The following DYNC1I1 variants were observed in gnomAD, a reference collection of about 807,000 sequenced individuals.
DYNC1I1 encodes cytoplasmic dynein 1 intermediate chain 1.
In DYNC1I1, 43 loss-of-function variants were observed where a neutral mutation model predicts 86.6. The observed-to-expected ratio is 0.50, with a 90% CI of 0.39 to 0.64. DYNC1I1 has a LOEUF of 0.64. Ranked by LOEUF, DYNC1I1 falls within the 30% of genes least tolerant of loss-of-function variation. DYNC1I1 has a pLI of 0.00. For synonymous variants in DYNC1I1, 262 were observed against 283.7 expected (o/e 0.92, Z 0.77); for missense variants, 604 against 788.8 (o/e 0.77, Z 2.81).
In DYNC1I1 at chr7:96,011,292, C is replaced by T. The variant is rs187948514; in HGVS notation, c.969+15219C>T. Among the ~76,000 whole-genome samples, 17 of 152,194 alleles carry T rather than the reference C, an allele frequency of 1.1e-4. No individual in the cohort carries two copies. In the East Asian group the frequency reaches 2.7e-3, roughly 24 times the overall value. On this transcript the variant is annotated intron_variant, in intron 10 of 16. Transcript: ENST00000447467. ...ACTATACTTAATATGTACCAATCTG[C>T]CCAGTTTCTTTTCATTTTAGGGCTC...
intron 6 of DYNC1I1, among the ~76,000 whole-genome samples, chr7:95,974,184 A>G (rs898047622): frequency 6.6e-6 from 1 of 151,952 alleles, no homozygotes; most frequent in Non-Finnish European, 1.5e-5. Flanking sequence ...ATTTTCCCCC[A>G]TAGCATTTGT....
At chr7:95,826,632 A>T (rs1795209090) in intron 4 of DYNC1I1, among the ~76,000 whole-genome samples, 1 of 152,172 alleles carries the variant, frequency 6.6e-6, no homozygotes, top group Admixed American at 6.5e-5. Context: ...AAAAATAAAT[A>T]AGCTGATATA....
chr7:96,033,373 G>A (rs768067795), intron 12 of DYNC1I1, among the ~76,000 whole-genome samples: 3 of 152,134 alleles, frequency 2.0e-5, no homozygotes, highest in Non-Finnish European at 2.9e-5. Flanking sequence ...CCAAACAAAG[G>A]AATAGAAGTG....
chr7:95,999,635 A>G (rs1361743231), intron 10 of DYNC1I1, among the ~76,000 whole-genome samples: 3 of 152,062 alleles, frequency 2.0e-5, no homozygotes, highest in Non-Finnish European at 4.4e-5. Flanking sequence ...GCTAACCTCA[A>G]AGAGAGTTCC....
chr7:95,887,699 A>AAGAGTT (rs1423451732), intron 6 of DYNC1I1, among the ~76,000 whole-genome samples: 8 of 152,300 alleles, frequency 5.3e-5, no homozygotes, highest in African/African-American at 1.9e-4. Context: ...CTTTGGAGAA[A>AAGAGTT]AGAGTTAATA....
intron 2 of DYNC1I1, among the ~76,000 whole-genome samples, chr7:95,808,310 T>A (rs1206429249): frequency 4.6e-5 from 7 of 152,170 alleles, no homozygotes; most frequent in African/African-American, 1.7e-4. Context: ...AATACTAAAC[T>A]AAGTGCCCTT....
intron 6 of DYNC1I1, among the ~76,000 whole-genome samples, chr7:95,880,068 TC>T (rs1425098431): frequency 6.6e-6 from 1 of 152,202 alleles, no homozygotes; most frequent in African/African-American, 2.4e-5. Context: ...GTCAGCCTAT[TC>T]CTTATTACTA....
intron 6 of DYNC1I1, among the ~76,000 whole-genome samples, chr7:95,955,204 A>T (rs1792677752): frequency 6.6e-6 from 1 of 152,208 alleles, no homozygotes; most frequent in South Asian, 2.1e-4. Flanking sequence ...GTCATTCCAC[A>T]ATATGTACTT....
chr7:96,026,546 A>G (rs1794688045), intron 10 of DYNC1I1, among the ~76,000 whole-genome samples: 1 of 152,098 alleles, frequency 6.6e-6, no homozygotes, highest in Non-Finnish European at 1.5e-5. Flanking sequence ...AATTCCAAAT[A>G]ATGTCATTCA....
At chr7:96,103,442 T>C (rs1281090548) in intron 16 of DYNC1I1, among the ~76,000 whole-genome samples, 1 of 152,192 alleles carries the variant, frequency 6.6e-6, no homozygotes, top group Non-Finnish European at 1.5e-5. Flanking sequence ...GGCAGCAGCC[T>C]CCTAACTGGT....
At chr7:96,105,073 A>AT (rs200354966) in intron 16 of DYNC1I1, among the ~76,000 whole-genome samples, 1,606 of 151,964 alleles carry the variant, frequency 0.011, 10 homozygotes, top group Non-Finnish European at 0.017. Context: ...ATAACAACTA[A>AT]TTTTTTATGC....
intron 1 of DYNC1I1, among the ~76,000 whole-genome samples, chr7:95,796,320 T>C (rs1562896274): frequency 6.6e-6 from 1 of 152,084 alleles, no homozygotes; most frequent in African/African-American, 2.4e-5. Context: ...CTTTCCTTCT[T>C]TCTTTCTTGA....
chr7:95,865,151 T>A lies in DYNC1I1; in HGVS notation c.375-4732T>A, dbSNP rs552007774. On this transcript the variant is annotated intron_variant, in intron 5 of 16. Transcript: ENST00000447467. ...CACTTTGGGAATCTCTGCTCTAGGA[T>A]TTCTCGAATTTTGGTTTACTCTTGG... Among the ~76,000 whole-genome samples the A allele has an allele frequency of 2.6e-5, 4 of 152,278 alleles. No homozygotes were observed. In the East Asian group the frequency reaches 7.7e-4, roughly 29 times the overall value.
chr7:95,846,228 A>G (rs972649596), intron 5 of DYNC1I1, among the ~76,000 whole-genome samples: 16 of 152,156 alleles, frequency 1.1e-4, no homozygotes, highest in Admixed American at 5.2e-4. Flanking sequence ...TGAACTTTTA[A>G]TGTCCTTTGT....
chr7:95,877,990 G>T (rs10953165), intron 6 of DYNC1I1, among the ~76,000 whole-genome samples: 29,957 of 152,138 alleles, frequency 0.2, 3,147 homozygotes, highest in Admixed American at 0.27. Flanking sequence ...ACCAGTATGA[G>T]AGGATTCACA....
At chr7:95,895,319 C>T (rs368434713) in intron 6 of DYNC1I1, among the ~76,000 whole-genome samples, 4 of 152,272 alleles carry the variant, frequency 2.6e-5, no homozygotes, top group Admixed American at 6.5e-5. Flanking sequence ...ACTCAGCTCA[C>T]GAGGCACCCA....
At chr7:96,040,976 C>T (rs1298969154) in intron 14 of DYNC1I1, among the ~76,000 whole-genome samples, 1 of 152,126 alleles carries the variant, frequency 6.6e-6, no homozygotes, top group Non-Finnish European at 1.5e-5. Flanking sequence ...CCCGCCTTGT[C>T]CTGCCAAAGT....
At chr7:96,101,934 CTATAA>C (rs142175478), downstream of DYNC1I1, among the ~76,000 whole-genome samples, 1,947 of 152,050 alleles carry the variant, frequency 0.013, 33 homozygotes, top group African/African-American at 0.037. Context: ...GTGGTGTTCC[CTATAA>C]TATATCTATT....
rs558721102 is a variant in DYNC1I1 at position 95,953,021 on chromosome 7, G to T, written c.491-24491G>T. On this transcript the variant is annotated intron_variant, in intron 6 of 16. Coordinates refer to ENST00000447467, the MANE Select transcript of DYNC1I1 (RefSeq NM_001135556.2). ...CAAAATAGCTAATGGCTTTTATTTT[G>T]CATGGTAAAGAATTACAAAGGTAGG... is the stretch of plus-strand genomic sequence containing the variant. Among the ~76,000 whole-genome samples the T allele has an allele frequency of 5.3e-5, 8 of 150,924 alleles. 2 individuals carry two copies. Among genetic ancestry groups the T allele is most frequent in the African/African-American group, 2.0e-4 (8 of 40,996 alleles).
Sources: allele counts gnomAD v4.1 joint callset (sites outside exome capture counted in the v4.1 genomes callset), GRCh38; gene constraint gnomAD v4.1.1; transcripts MANE v1.5; gene names NCBI Gene and HGNC (gene_info 2026-07-23, HGNC 2026-07-21).